DLC1: variants seen among roughly 807,000 people sequenced by gnomAD.
The protein encoded by DLC1 is rho GTPase-activating protein 7.
DLC1 carries 54 observed loss-of-function variants against 140.3 expected under a neutral mutation model. That is an observed-to-expected ratio of 0.38 (90% CI 0.31 to 0.48). The LOEUF (loss-of-function observed/expected upper bound fraction) is 0.48. DLC1 is among the 20% of genes least tolerant of loss of function. The pLI is 0.96. For missense variants in DLC1, 2,536 were observed against 1,907.0 expected (o/e 1.33, Z -6.14); for synonymous variants, 986 against 728.1 (o/e 1.35, Z -5.70).
chr8:13,326,157 G>A (rs1833338897), intron 4 of DLC1, among the ~76,000 whole-genome samples: 1 of 152,184 alleles, frequency 6.6e-6, no homozygotes, highest in East Asian at 1.9e-4. Flanking sequence ...GTCAAGTGAT[G>A]CATGACTATA....
chr8:13,323,504 C>G (rs1388668416), intron 4 of DLC1, among the ~76,000 whole-genome samples: 3 of 152,062 alleles, frequency 2.0e-5, no homozygotes, highest in African/African-American at 7.2e-5. Context: ...TTGCATCATT[C>G]TTTGCAGTTA....
Position 13,500,025 on chromosome 8 carries a change from TG to T in DLC1, c.46del (p.His16ThrfsTer20). 1 of 1,614,100 alleles carries T rather than the reference TG, an allele frequency of 6.2e-7. No homozygotes were observed. Among genetic ancestry groups the T allele is most frequent in the Non-Finnish European group, 8.5e-7 (1 of 1,179,958 alleles). ...RKRSWEEHVT[H>X]WMGQPFNSDD... is the part of the protein sequence containing the mutation. ...AGAATTAAAAGGCTGTCCCATCCAG[TG>T]GGTCACATGTTCTTCCCAGCTTCTC... On this transcript the variant is annotated frameshift_variant, in exon 2 of 18. Coordinates refer to ENST00000276297, the MANE Select transcript of DLC1 (RefSeq NM_182643.3). LOFTEE classifies it high-confidence loss of function.
intron 1 of DLC1, among the ~76,000 whole-genome samples, chr8:13,560,949 A>T (rs1437288937): frequency 6.6e-6 from 1 of 152,078 alleles, no homozygotes; most frequent in East Asian, 1.9e-4. Context: ...ATCCTTTACA[A>T]AAAGGTCACT....
intron 5 of DLC1, among the ~76,000 whole-genome samples, chr8:13,180,859 T>C (rs1052489062): frequency 3.3e-5 from 5 of 152,336 alleles, no homozygotes; most frequent in African/African-American, 1.2e-4. Flanking sequence ...TAAATCCTAA[T>C]TTTTACTATC....
In DLC1 at chr8:13,164,509, C is replaced by G. The variant is rs75098664; in HGVS notation, c.1349-48852G>C. On this transcript the variant is annotated intron_variant, in intron 5 of 17. Transcript: ENST00000276297. ...ATGCCTGATATCTTCCCCTTGTTTT[C>G]TCTCATCTTCCTGATGTTCCCTTTG... Among the ~76,000 whole-genome samples the G allele has an allele frequency of 2.8e-4, 43 of 152,244 alleles. No homozygotes were observed. The East Asian group carries it at 8.3e-3, about 29-fold the overall frequency.
chr8:13,108,502 G>C (rs1299310532), intron 7 of DLC1, among the ~76,000 whole-genome samples: 1 of 152,194 alleles, frequency 6.6e-6, no homozygotes, highest in African/African-American at 2.4e-5. Flanking sequence ...AAGGTACTCA[G>C]AGCCAGTGTA....
chr8:13,120,426 T>C (rs1334590835), intron 5 of DLC1, among the ~76,000 whole-genome samples: 1 of 145,782 alleles, frequency 6.9e-6, no homozygotes, highest in Non-Finnish European at 1.5e-5. Context: ...ATGAACAAAA[T>C]CTAAAATATT....
At chr8:13,229,651 AAGAGAGAGAGAGAGAAGAG>A (rs1464070535) in intron 5 of DLC1, among the ~76,000 whole-genome samples, 1 of 150,516 alleles carries the variant, frequency 6.6e-6, no homozygotes, top group South Asian at 2.1e-4. Context: ...GAGAGAGAGA[AAGAGAGAGAGAGAGAAGAG>A]AGAGAGAGAG....
chr8:13,581,256 A>T (rs1358194709), intron 1 of DLC1, among the ~76,000 whole-genome samples: 1 of 152,182 alleles, frequency 6.6e-6, no homozygotes, highest in Non-Finnish European at 1.5e-5. Context: ...GTTCAATATC[A>T]GTGCACTTTG....
At chr8:13,243,933 A>G (rs183327851) in intron 5 of DLC1, among the ~76,000 whole-genome samples, 3 of 152,196 alleles carry the variant, frequency 2.0e-5, no homozygotes, top group Admixed American at 2.0e-4. Context: ...GGGGTTGTGT[A>G]TCTGTGGAGG....
At chr8:13,567,589 C>T in intron 1 of DLC1, 4 of 1,551,750 alleles carry the variant, frequency 2.6e-6, no homozygotes, top group East Asian at 2.4e-5. Flanking sequence ...TTATCAGTGT[C>T]CCTATTGTAA....
chr8:13,163,924 G>T (rs1232341550), intron 5 of DLC1, among the ~76,000 whole-genome samples: 1 of 152,132 alleles, frequency 6.6e-6, no homozygotes, highest in Non-Finnish European at 1.5e-5. Context: ...AGGATTGCTT[G>T]AGCCCAGGGA....
intron 2 of DLC1, among the ~76,000 whole-genome samples, chr8:13,480,762 A>G (rs552020409): frequency 9.8e-4 from 149 of 152,234 alleles, no homozygotes; most frequent in African/African-American, 3.4e-3. Context: ...AAAATTTGCC[A>G]GGCGTGGTAG....
intron 5 of DLC1, among the ~76,000 whole-genome samples, chr8:13,137,664 G>C (rs1002966115): frequency 3.3e-5 from 5 of 150,478 alleles, no homozygotes; most frequent in African/African-American, 1.2e-4. Context: ...TGCAGTGGTG[G>C]GTTCTCAGCT....
intron 2 of DLC1, among the ~76,000 whole-genome samples, chr8:13,471,748 G>C (rs182352352): frequency 2.4e-3 from 360 of 152,142 alleles, no homozygotes; most frequent in Non-Finnish European, 3.2e-3. Context: ...AAAGGAGAAA[G>C]AGAGAAAGAG....
intron 5 of DLC1, among the ~76,000 whole-genome samples, chr8:13,271,433 A>G (rs1460086426): frequency 3.9e-5 from 6 of 152,220 alleles, no homozygotes; most frequent in African/African-American, 1.2e-4. Context: ...TGTACCACAG[A>G]GTGTGTCCAG....
At position 13,086,972 on chromosome 8, in the gene DLC1, CT is replaced by C. The variant is rs1429048903; in HGVS notation, c.4293-510del. The stretch of plus-strand genomic sequence containing the variant: ...CTGTAATCATGCCACTGTACTCAAA[CT>C]TGGGCAACAAAGTGATACCCCCCCA... On this transcript the variant is annotated intron_variant, in intron 16 of 17. Coordinates refer to ENST00000276297, the MANE Select transcript of DLC1 (RefSeq NM_182643.3). Among the ~76,000 whole-genome samples, 3 of 152,286 alleles carry C rather than the reference CT, an allele frequency of 2.0e-5. No individual in the cohort carries two copies. The East Asian group carries it at 5.8e-4, about 29-fold the overall frequency.
intron 4 of DLC1, among the ~76,000 whole-genome samples, chr8:13,345,617 C>G (rs2117005784): frequency 8.1e-6 from 1 of 123,060 alleles, no homozygotes; most frequent in Middle Eastern, 7.5e-3. Flanking sequence ...GCAGTGGTAC[C>G]ATCTCAGTTC....
At chr8:13,296,789 G>T (rs1831974618) in intron 5 of DLC1, among the ~76,000 whole-genome samples, 1 of 151,714 alleles carries the variant, frequency 6.6e-6, no homozygotes, top group Admixed American at 6.6e-5. Flanking sequence ...AACATGAAAT[G>T]CCATAATAAA....
Sources: allele counts gnomAD v4.1 joint callset (sites outside exome capture counted in the v4.1 genomes callset), GRCh38; gene constraint gnomAD v4.1.1; transcripts MANE v1.5; gene names NCBI Gene and HGNC (gene_info 2026-07-23, HGNC 2026-07-21).